DPP10: variants seen among roughly 807,000 people sequenced by gnomAD.
DPP10 encodes inactive dipeptidyl peptidase 10.
A neutral mutation model predicts 120.9 loss-of-function variants in DPP10; 33 were observed. That is an observed-to-expected ratio of 0.27 (90% CI 0.21 to 0.37). The LOEUF is 0.37. DPP10 is among the 10% of genes least tolerant of loss of function. The pLI is 1.00. For missense variants in DPP10, 816 were observed against 942.8 expected, an observed-to-expected ratio of 0.87 and a Z score of 1.76; for synonymous variants, 337 against 326.1, an observed-to-expected ratio of 1.03 and a Z score of -0.36.
At chr2:115,394,379 T>G (rs7578669) in intron 3 of DPP10, among the ~76,000 whole-genome samples, 2 of 151,122 alleles carry the variant, frequency 1.3e-5, no homozygotes, top group Non-Finnish European at 2.9e-5. Context: ...CTTGGAGGTA[T>G]TCTTTTGAGA....
intron 1 of DPP10, among the ~76,000 whole-genome samples, chr2:114,924,686 G>A (rs1474705053): frequency 6.6e-6 from 1 of 151,980 alleles, no homozygotes; most frequent in Non-Finnish European, 1.5e-5. Flanking sequence ...TGGTTTGTTG[G>A]AGGACACACC....
At chr2:114,864,622 G>A (rs13007523) in intron 1 of DPP10, among the ~76,000 whole-genome samples, 56,154 of 152,010 alleles carry the variant, frequency 0.37, 11,039 homozygotes, top group South Asian at 0.49. Context: ...CATAAAGCCA[G>A]CAATCAGGTA....
intron 7 of DPP10, among the ~76,000 whole-genome samples, chr2:115,722,552 T>C (rs899920531): frequency 2.0e-5 from 3 of 152,080 alleles, no homozygotes; most frequent in East Asian, 1.9e-4. Context: ...TGGTACAGTT[T>C]ATTGGTCCTA....
intron 1 of DPP10, among the ~76,000 whole-genome samples, chr2:115,091,060 T>A (rs1332529389): frequency 6.6e-6 from 1 of 152,178 alleles, no homozygotes; most frequent in East Asian, 1.9e-4. Flanking sequence ...CAGGGTGGGA[T>A]TGTGACTCAC....
In DPP10 at chr2:115,524,145, C is replaced by T. The variant is rs185898112; in HGVS notation, c.367-1753C>T. ...GAGTGCTCTACAATTCAATTCAATA[C>T]GGAGACTAATTACCAGGAATTAGCG... On this transcript the variant is annotated intron_variant, in intron 4 of 25. Transcript: ENST00000410059. 1.3e-3 allele frequency among the ~76,000 whole-genome samples: 199 copies of T among 152,174 alleles called. 2 individuals are homozygous for T. The highest frequency in any genetic ancestry group is 4.6e-3 in the African/African-American group (191 of 41,504).
intron 1 of DPP10, among the ~76,000 whole-genome samples, chr2:115,063,514 C>G (rs1199456412): frequency 6.6e-6 from 1 of 152,154 alleles, no homozygotes; most frequent in African/African-American, 2.4e-5. Flanking sequence ...TGACTTCAAA[C>G]TATACTACAA....
chr2:115,812,078 A>G (rs1173736455), intron 19 of DPP10, among the ~76,000 whole-genome samples: 1 of 152,210 alleles, frequency 6.6e-6, no homozygotes, highest in African/African-American at 2.4e-5. Flanking sequence ...CTTTGAGGAA[A>G]ATATGGTAGT....
intron 24 of DPP10, 111 bp downstream of exon 24, chr2:115,836,857 G>A: frequency 1.1e-6 from 1 of 911,598 alleles, no homozygotes; most frequent in Non-Finnish European, 1.7e-6. Context: ...GAAGGGAGCA[G>A]AGAGTCACAC....
chr2:115,228,650 T>G (rs1297627373), intron 1 of DPP10, among the ~76,000 whole-genome samples: 3 of 152,136 alleles, frequency 2.0e-5, no homozygotes, highest in Non-Finnish European at 4.4e-5. Flanking sequence ...GCACCACACT[T>G]ATTCCACTTA....
At chr2:115,735,467 A>G (rs1269838115) in intron 8 of DPP10, among the ~76,000 whole-genome samples, 1 of 151,938 alleles carries the variant, frequency 6.6e-6, no homozygotes, top group Non-Finnish European at 1.5e-5. Flanking sequence ...GTTATTTAAC[A>G]GGTGGATCAG....
chr2:115,432,031 G>GT (rs1427077174), intron 3 of DPP10, among the ~76,000 whole-genome samples: 5 of 152,070 alleles, frequency 3.3e-5, no homozygotes. Flanking sequence ...ATTAAACATC[G>GT]TAAGTTAAGC....
chr2:114,482,723 G>A, intron 1 of DPP10, among the ~76,000 whole-genome samples: 1 of 152,168 alleles, frequency 6.6e-6, no homozygotes, highest in East Asian at 1.9e-4. Context: ...ACAAGCTTCA[G>A]ATAGAGACTC....
chr2:114,608,385 A>G (rs1399023998), intron 1 of DPP10, among the ~76,000 whole-genome samples: 1 of 152,186 alleles, frequency 6.6e-6, no homozygotes, highest in East Asian at 1.9e-4. Flanking sequence ...AGAAAAGATT[A>G]GTGTAGAAGG....
At position 114,991,578 on chromosome 2, in the gene DPP10, A is replaced by G. The variant is rs545962907; in HGVS notation, c.61-317661A>G. Among the ~76,000 whole-genome samples the G allele has an allele frequency of 2.3e-4, 35 of 152,356 alleles. No homozygotes were observed. In the South Asian group the frequency reaches 7.0e-3, roughly 31 times the overall value. Reference sequence around the variant, plus strand: ...TAATTCTACTTTACTCCGTGGCTACAAACTTTGGAAGATGTTATTAGCAAG... The same window carrying G: ...TAATTCTACTTTACTCCGTGGCTACGAACTTTGGAAGATGTTATTAGCAAG... On this transcript the variant is annotated intron_variant, in intron 1 of 25. Coordinates refer to ENST00000410059, the MANE Select transcript of DPP10 (RefSeq NM_020868.6).
chr2:114,666,835 A>G (rs1179638613), intron 1 of DPP10, among the ~76,000 whole-genome samples: 2 of 152,404 alleles, frequency 1.3e-5, no homozygotes, highest in African/African-American at 4.8e-5. Flanking sequence ...GATGGTAAAT[A>G]CATAGTATAA....
At chr2:114,663,662 T>TAGAGAGAGAGAGAGAGAGAGAGAGAGAG (rs1407543024) in intron 1 of DPP10, among the ~76,000 whole-genome samples, 3 of 95,002 alleles carry the variant, frequency 3.2e-5, no homozygotes, top group African/African-American at 2.1e-4. Context: ...TATATATATA[T>TAGAGAGAGAGAGAGAGAGAGAGAGAGAG]ATATATAGAG....
At chr2:114,456,888 T>C (rs1268504264) in intron 1 of DPP10, among the ~76,000 whole-genome samples, 2 of 152,040 alleles carry the variant, frequency 1.3e-5, no homozygotes, top group African/African-American at 2.4e-5. Context: ...TTACAGTGTG[T>C]GTGGTCTATT....
rs561961780 is a variant in DPP10 at position 115,277,190 on chromosome 2, G to A, written c.61-32049G>A. Reference sequence around the variant, plus strand: ...CTCAGAAGTGGGATAAACAAGCACTGTAAACTGAAATAAGCAATGCATTCT... The same window carrying A: ...CTCAGAAGTGGGATAAACAAGCACTATAAACTGAAATAAGCAATGCATTCT... On this transcript the variant is annotated intron_variant, in intron 1 of 25. Coordinates refer to ENST00000410059, the MANE Select transcript of DPP10 (RefSeq NM_020868.6). 1.5e-3 allele frequency among the ~76,000 whole-genome samples: 232 copies of A among 152,198 alleles called. 1 individual carries two copies. The highest frequency in any genetic ancestry group is 2.3e-3 in the Admixed American group (35 of 15,280).
chr2:115,092,630 C>T (rs1257960541), intron 1 of DPP10, among the ~76,000 whole-genome samples: 1 of 151,974 alleles, frequency 6.6e-6, no homozygotes, highest in African/African-American at 2.4e-5. Context: ...AAAAAAGTAA[C>T]ATTTGATATA....
Sources: gnomAD v4.1 joint callset for allele counts (sites outside exome capture counted in the v4.1 genomes callset) on GRCh38, gnomAD v4.1.1 for gene constraint, MANE v1.5 for transcripts, NCBI Gene and HGNC (gene_info 2026-07-23, HGNC 2026-07-21) for gene names.